SERPINC1: variants seen among roughly 807,000 people sequenced by gnomAD.
SERPINC1 encodes antithrombin-III.
Under a neutral mutation model 43.4 loss-of-function variants are expected in SERPINC1, and 12 were observed. The observed-to-expected ratio is 0.28, with a 90% confidence interval of 0.18 to 0.45. The LOEUF is 0.45. SERPINC1 is among the 20% of genes least tolerant of loss of function. The pLI is 1.00. For missense variants in SERPINC1, 423 were observed against 578.8 expected, an observed-to-expected ratio of 0.73 and a Z score of 2.76; for synonymous variants, 210 against 218.9, an observed-to-expected ratio of 0.96 and a Z score of 0.36.
chr1:173,908,523 G>A (rs116763484), intron 5 of SERPINC1, among the ~76,000 whole-genome samples: 2,278 of 138,780 alleles, frequency 0.016, 50 homozygotes, highest in African/African-American at 0.058. Context: ...GGTCAATAAA[G>A]ATAAATCTAA....
In SERPINC1 at chr1:173,910,797, T is replaced by C. The variant is rs200861147; in HGVS notation, c.719A>G (p.Asn240Ser). The change falls in exon 4 of 7, where the codon AAT becomes AGT. Residue 240 changes from asparagine to serine, a missense_variant. Asn to Ser is a conservative substitution (Grantham distance 46). Coordinates refer to ENST00000367698, the MANE Select transcript of SERPINC1 (RefSeq NM_000488.4). ...ITDVIPSEAINELTVLVLVNT... is the reference protein window; with the variant it reads ...ITDVIPSEAISELTVLVLVNT... ...AACCAGCACCAGAACAGTGAGCTCA[T>C]TGATGGCTTCCGAGGGAATGACATC... is the stretch of plus-strand genomic sequence containing the variant. The C allele has an allele frequency of 5.9e-5, 95 of 1,614,130 alleles. No homozygotes were observed. The highest frequency in any genetic ancestry group is 4.9e-4 in the East Asian group (22 of 44,874).
chr1:173,904,412 G>T (rs1317026567), intron 6 of SERPINC1, among the ~76,000 whole-genome samples: 2 of 152,000 alleles, frequency 1.3e-5, no homozygotes, highest in Non-Finnish European at 2.9e-5. Flanking sequence ...AAGATTTTTG[G>T]CTCAAGATCT....
At chr1:173,910,002 A>G in intron 4 of SERPINC1, 60 bp from the exon 5 acceptor site, 2 of 1,512,948 alleles carry the variant, frequency 1.3e-6, no homozygotes, top group Non-Finnish European at 1.8e-6. Flanking sequence ...TATTGACACA[A>G]GACATATCCA....
At chr1:173,908,036 T>G (rs1657604107) in intron 5 of SERPINC1, among the ~76,000 whole-genome samples, 1 of 130,724 alleles carries the variant, frequency 7.6e-6, no homozygotes. Flanking sequence ...TAAAAGTACT[T>G]TGGGCTTGTT....
At chr1:173,908,490 CAAAAAAAAAAAA>C (rs753240633) in intron 5 of SERPINC1, among the ~76,000 whole-genome samples, 2 of 54,046 alleles carry the variant, frequency 3.7e-5, no homozygotes, top group African/African-American at 1.4e-4. Flanking sequence ...GACTTCGTCT[CAAAAAAAAAAAA>C]AAAAAAAAAA....
At chr1:173,909,987 A>G in intron 4 of SERPINC1, 45 bp from the exon 5 acceptor site, 3 of 1,589,056 alleles carry the variant, frequency 1.9e-6, no homozygotes, top group Non-Finnish European at 1.7e-6. Context: ...TCATAGGAGG[A>G]TAGTTATTGA....
At chr1:173,907,628 G>C in intron 5 of SERPINC1, 114 bp from the exon 6 acceptor site, 2 of 807,636 alleles carry the variant, frequency 2.5e-6, no homozygotes, top group Non-Finnish European at 4.5e-6. Context: ...AACATAAGAA[G>C]AAATCCTAAA....
chr1:173,909,858 T>C lies in SERPINC1; in HGVS notation c.847A>G (p.Met283Val). The C allele has an allele frequency of 1.9e-6, 3 of 1,614,072 alleles. No individual in the cohort carries two copies. The highest frequency in any genetic ancestry group is 2.5e-6 in the Non-Finnish European group (3 of 1,179,940). ...CGGAACTTGCCTTCCTGGTACATCA[T>C]AGATGCTGAACACGACTCTCCATCA... ...KADGESCSAS[M>V]MYQEGKFRYR... The change falls in exon 5 of 7, where the codon ATG becomes GTG. Residue 283 changes from methionine (M) to valine (V), a missense_variant. Coordinates refer to ENST00000367698, the MANE Select transcript of SERPINC1 (RefSeq NM_000488.4).
chr1:173,911,992 G>A lies in SERPINC1; in HGVS notation c.431C>T (p.Ser144Phe). ...LMEVFKFDTISEKTSDQIHFF... is the reference protein window; with the variant it reads ...LMEVFKFDTIFEKTSDQIHFF... ...GTGGATCTGATCAGATGTTTTCTCAGATATGGTGTCAAACTTAAATACCTA... is the reference window on the plus strand; with the variant it reads ...GTGGATCTGATCAGATGTTTTCTCAAATATGGTGTCAAACTTAAATACCTA... The change falls in exon 3 of 7, where the codon TCT becomes TTT. Residue 144 changes from serine to phenylalanine, a missense_variant. Transcript: ENST00000367698. 6.2e-7 allele frequency: 1 copy of A among 1,614,038 alleles called. No individual in the cohort carries two copies. The highest frequency in any genetic ancestry group is 8.5e-7 in the Non-Finnish European group (1 of 1,179,908).
intron 1 of SERPINC1, among the ~76,000 whole-genome samples, chr1:173,916,559 A>G (rs1572093071): frequency 6.6e-6 from 1 of 152,024 alleles, no homozygotes; most frequent in African/African-American, 2.4e-5. Flanking sequence ...TCCCATCTCC[A>G]CTGCCTTCGG....
intron 6 of SERPINC1, among the ~76,000 whole-genome samples, chr1:173,905,912 T>C (rs1396994832): frequency 6.6e-6 from 1 of 152,232 alleles, no homozygotes; most frequent in Non-Finnish European, 1.5e-5. Context: ...GATTATAACC[T>C]TGTGTTCTTT....
chr1:173,907,858 G>A (rs1004077866), intron 5 of SERPINC1, among the ~76,000 whole-genome samples: 1 of 151,884 alleles, frequency 6.6e-6, no homozygotes, highest in African/African-American at 2.4e-5. Context: ...GCGCATGCCT[G>A]TAATCCCAGC....
At position 173,903,822 on chromosome 1, in the gene SERPINC1, G is replaced by C; in HGVS notation, c.*67C>G. ...CCATTTATAATGTGAGATGGAAGTA[G>C]TTTGTATTTATTTTTACTTCTGTTC... On this transcript the variant is annotated 3_prime_UTR_variant, in exon 7 of 7. Transcript: ENST00000367698. 1 of 1,354,366 alleles carries C rather than the reference G, an allele frequency of 7.4e-7. No homozygotes were observed. Among genetic ancestry groups the C allele is most frequent in the Non-Finnish European group, 1.1e-6 (1 of 946,164 alleles). 83.9% of individuals were successfully genotyped at this position (1,354,366 alleles called of 1,614,324 possible). A position where few individuals can be genotyped will look rare whatever the true frequency, so the allele number is the denominator to read the frequency against.
intron 3 of SERPINC1, among the ~76,000 whole-genome samples, chr1:173,911,108 C>G (rs563293245): frequency 4.0e-5 from 6 of 151,594 alleles, no homozygotes; most frequent in African/African-American, 1.2e-4. Context: ...AGAAAAAGAA[C>G]AAAAAGAAAT....
chr1:173,913,483 T>C (rs184793514), intron 2 of SERPINC1, among the ~76,000 whole-genome samples: 2 of 152,174 alleles, frequency 1.3e-5, no homozygotes, highest in African/African-American at 2.4e-5. Flanking sequence ...GGTCTCAATA[T>C]ACCATCCTAG....
chr1:173,916,750 T>C (rs1252206111), intron 1 of SERPINC1, among the ~76,000 whole-genome samples: 2 of 152,110 alleles, frequency 1.3e-5, no homozygotes, highest in African/African-American at 2.4e-5. Context: ...ACAACTCTCA[T>C]TGTGAGAAAA....
At position 173,910,846 on chromosome 1, in the gene SERPINC1, T is replaced by G; in HGVS notation, c.670A>C (p.Asn224His). 1 of 1,614,180 alleles carries G rather than the reference T, an allele frequency of 6.2e-7. No homozygotes were observed. The highest frequency in any genetic ancestry group is 8.5e-7 in the Non-Finnish European group (1 of 1,180,008). The change falls in exon 4 of 7, where the codon AAT becomes CAT. Residue 224 changes from asparagine to histidine, a missense_variant. By Grantham distance (68) the Asn-to-His change is moderately conservative. Coordinates refer to ENST00000367698, the MANE Select transcript of SERPINC1 (RefSeq NM_000488.4). ...SRAAINKWVS[N>H]KTEGRITDVI... ...TCGGTGATTCGGCCTTCGGTCTTAT[T>G]GGACACCCATTTGTTGATGGCCGCT...
chr1:173,915,968 C>G (rs1308199967), intron 1 of SERPINC1, among the ~76,000 whole-genome samples: 3 of 152,124 alleles, frequency 2.0e-5, no homozygotes, highest in African/African-American at 7.2e-5. Context: ...TTTAGTCAAA[C>G]CCCAGAGTCA....
chr1:173,909,949 G>A lies in SERPINC1; in HGVS notation c.763-7C>T. 1 of 1,613,962 alleles carries A rather than the reference G, an allele frequency of 6.2e-7. No homozygotes were observed. Among genetic ancestry groups the A allele is most frequent in the Non-Finnish European group, 8.5e-7 (1 of 1,179,962 alleles). On this transcript the variant is annotated splice_polypyrimidine_tract_variant and splice_region_variant and intron_variant, in intron 4 of 6. Transcript: ENST00000367698. ...ACTTTGACTTCCACAGGCCCTGGAA[G>A]AGAATCACAAAGTAAGAACACAAAC...
Sources: gnomAD v4.1 joint callset for allele counts (sites outside exome capture counted in the v4.1 genomes callset) on GRCh38, gnomAD v4.1.1 for gene constraint, MANE v1.5 for transcripts, NCBI Gene and HGNC (gene_info 2026-07-23, HGNC 2026-07-21) for gene names.